Variants in FILIP1L observed in about 807,000 individuals in gnomAD.
FILIP1L encodes the protein filamin A-interacting protein 1-like.
Under a neutral mutation model 96.6 loss-of-function variants are expected in FILIP1L, and 55 were observed. The observed-to-expected ratio is 0.57, with a 90% CI of 0.46 to 0.71. The LOEUF (loss-of-function observed/expected upper bound fraction) is 0.71. Ranked by LOEUF, FILIP1L falls within the 30% of genes least tolerant of loss-of-function variation. The pLI is 0.00. For missense variants in FILIP1L, 1,304 were observed against 1,321.2 expected, an observed-to-expected ratio of 0.99 and a Z score of 0.20; for synonymous variants, 467 against 473.9, an observed-to-expected ratio of 0.99 and a Z score of 0.19.
chr3:99,885,074 A>G (rs914782080), intron 4 of FILIP1L, among the ~76,000 whole-genome samples: 4 of 152,238 alleles, frequency 2.6e-5, no homozygotes, highest in African/African-American at 9.6e-5. Context: ...TCAGCAGTCA[A>G]CTATAGGCTC....
At chr3:99,875,015 T>G (rs1705439253) in intron 4 of FILIP1L, among the ~76,000 whole-genome samples, 1 of 152,200 alleles carries the variant, frequency 6.6e-6, no homozygotes, top group South Asian at 2.1e-4. Context: ...TTATAAAACA[T>G]AGAGACTGTT....
At chr3:99,959,095 TA>T (rs554981147) in intron 1 of FILIP1L, among the ~76,000 whole-genome samples, 8 of 152,118 alleles carry the variant, frequency 5.3e-5, no homozygotes, top group Admixed American at 1.3e-4. Context: ...GATGGTAATT[TA>T]AAAAAAATTC....
intron 1 of FILIP1L, among the ~76,000 whole-genome samples, chr3:100,011,507 A>G (rs1339700904): frequency 6.6e-6 from 1 of 152,140 alleles, no homozygotes; most frequent in Non-Finnish European, 1.5e-5. Context: ...CCTTCCCTCC[A>G]GTTTTAATTT....
At chr3:100,110,270 C>A (rs1476019572) in intron 1 of FILIP1L, among the ~76,000 whole-genome samples, 1 of 152,122 alleles carries the variant, frequency 6.6e-6, no homozygotes, top group Non-Finnish European at 1.5e-5. Flanking sequence ...TTAGGGGCAG[C>A]TGAAACAAGG....
chr3:100,050,662 C>T (rs2065355876), intron 1 of FILIP1L, among the ~76,000 whole-genome samples: 1 of 152,168 alleles, frequency 6.6e-6, no homozygotes, highest in South Asian at 2.1e-4. Flanking sequence ...CTCCAAGTAG[C>T]TGGGATTACA....
At chr3:100,038,205 C>T (rs1372692620) in intron 1 of FILIP1L, among the ~76,000 whole-genome samples, 1 of 152,108 alleles carries the variant, frequency 6.6e-6, no homozygotes, top group Non-Finnish European at 1.5e-5. Flanking sequence ...ATCCAGCTGC[C>T]CTGGCCTCCC....
intron 1 of FILIP1L, among the ~76,000 whole-genome samples, chr3:100,107,994 A>T (rs2066423413): frequency 6.6e-6 from 1 of 152,086 alleles, no homozygotes; most frequent in African/African-American, 2.4e-5. Context: ...TTTAATAATC[A>T]ATTTTCTGGG....
At chr3:100,077,221 G>A (rs2065863872) in intron 1 of FILIP1L, among the ~76,000 whole-genome samples, 1 of 152,144 alleles carries the variant, frequency 6.6e-6, no homozygotes, top group African/African-American at 2.4e-5. Context: ...CAAGCAAATG[G>A]GAACACACCA....
chr3:99,832,862 T>TG (rs1310253929), intron 5 of FILIP1L, among the ~76,000 whole-genome samples: 77 of 134,370 alleles, frequency 5.7e-4, no homozygotes, highest in African/African-American at 2.0e-3. Context: ...AAAAAAGTTG[T>TG]TTTTTTTTTT....
chr3:99,934,486 G>A (rs1334893060), intron 1 of FILIP1L, among the ~76,000 whole-genome samples: 1 of 152,114 alleles, frequency 6.6e-6, no homozygotes, highest in Non-Finnish European at 1.5e-5. Flanking sequence ...ACATAGTCCT[G>A]TGTGGAACAA....
At chr3:99,945,662 C>G (rs1226340470) in intron 1 of FILIP1L, among the ~76,000 whole-genome samples, 2 of 152,164 alleles carry the variant, frequency 1.3e-5, no homozygotes, top group South Asian at 2.1e-4. Flanking sequence ...AGGTAGAGAG[C>G]CTGCCAAGTC....
intron 5 of FILIP1L, among the ~76,000 whole-genome samples, chr3:99,844,204 G>T (rs529801195): frequency 6.6e-6 from 1 of 152,272 alleles, no homozygotes; most frequent in Admixed American, 6.5e-5. Flanking sequence ...CCGTTTTAGG[G>T]CACAATTAAC....
chr3:100,002,768 G>A (rs1367546459), intron 1 of FILIP1L, among the ~76,000 whole-genome samples: 3 of 152,138 alleles, frequency 2.0e-5, no homozygotes, highest in Non-Finnish European at 1.5e-5. Context: ...AGTCCCTTAG[G>A]CCTTAGACCA....
intron 4 of FILIP1L, among the ~76,000 whole-genome samples, chr3:99,918,652 G>A (rs1257309632): frequency 6.6e-6 from 1 of 152,020 alleles, no homozygotes; most frequent in East Asian, 1.9e-4. Flanking sequence ...GACATCTGTT[G>A]AAAGTTAAGT....
chr3:99,875,438 G>C (rs937295040), intron 4 of FILIP1L, among the ~76,000 whole-genome samples: 5 of 152,162 alleles, frequency 3.3e-5, no homozygotes, highest in African/African-American at 1.2e-4. Context: ...TTTTTCCAAT[G>C]CCTGGACTTG....
At position 99,930,761 on chromosome 3, in the gene FILIP1L, C is replaced by T; in HGVS notation, c.252+8G>A. On this transcript the variant is annotated splice_region_variant and intron_variant, in intron 2 of 5. Transcript: ENST00000477258. ...AAGCATGATGGGGATAACTCCAACC[C>T]AGCTGACCTGCAGTTCTCCCTCCAG... 1 of 1,612,804 alleles carries T rather than the reference C, an allele frequency of 6.2e-7. No homozygotes were observed. The highest frequency in any genetic ancestry group is 8.5e-7 in the Non-Finnish European group (1 of 1,179,500).
At position 99,970,253 on chromosome 3, in the gene FILIP1L, G is replaced by A. The variant is rs957596750; in HGVS notation, c.-10-39223C>T. 2.2e-4 allele frequency among the ~76,000 whole-genome samples: 33 copies of A among 152,202 alleles called. 1 individual carries two copies. The highest frequency in any genetic ancestry group is 7.2e-4 in the African/African-American group (30 of 41,452). The stretch of plus-strand genomic sequence containing the variant: ...CCAAAGTCATCTGATAAGTTTTGGA[G>A]CTCAGTTTCAGACCCAGGCAGTCTG... On this transcript the variant is annotated intron_variant, in intron 1 of 5. Transcript: ENST00000477258.
At chr3:99,872,599 C>A (rs1051065793) in intron 4 of FILIP1L, among the ~76,000 whole-genome samples, 2 of 152,012 alleles carry the variant, frequency 1.3e-5, no homozygotes, top group African/African-American at 4.8e-5. Flanking sequence ...CATCATTCCC[C>A]AAGCTTGTTT....
intron 5 of FILIP1L, among the ~76,000 whole-genome samples, chr3:99,840,134 C>G (rs573690258): frequency 2.0e-5 from 3 of 150,738 alleles, no homozygotes; most frequent in African/African-American, 7.3e-5. Flanking sequence ...GTTACCAGGC[C>G]AAAACCATTA....
Sources: gnomAD v4.1 joint callset for allele counts (sites outside exome capture counted in the v4.1 genomes callset) on GRCh38, gnomAD v4.1.1 for gene constraint, MANE v1.5 for transcripts, NCBI Gene and HGNC (gene_info 2026-07-23, HGNC 2026-07-21) for gene names.